FCN3: variants seen among roughly 807,000 people sequenced by gnomAD.
The protein encoded by FCN3 is ficolin 3.
Under a neutral mutation model 31.5 loss-of-function variants are expected in FCN3, and 28 were observed. That is an observed-to-expected ratio of 0.89 (90% CI 0.66 to 1.22). The LOEUF (loss-of-function observed/expected upper bound fraction) is 1.22. FCN3 is among the 50% of genes most tolerant of loss of function. The pLI is 0.00. For missense variants in FCN3, 351 were observed against 386.8 expected (o/e 0.91, Z 0.78); for synonymous variants, 124 against 147.4 (o/e 0.84, Z 1.15).
chr1:27,373,015 A>G, intron 5 of FCN3, 121 bp downstream of exon 5: 1 of 1,250,680 alleles, frequency 8.0e-7, no homozygotes, highest in Non-Finnish European at 1.1e-6. Context: ...GGCTCACTAA[A>G]CATTTGTCAG....
At chr1:27,373,546 G>A (rs761988444) in intron 3 of FCN3, 26 bp from the exon 4 acceptor site, 63 of 1,613,514 alleles carry the variant, frequency 3.9e-5, no homozygotes, top group Admixed American at 8.3e-5. Context: ...GATGAGTGTT[G>A]GCTCTGATGT....
At position 27,370,983 on chromosome 1, in the gene FCN3, G is replaced by C. The variant is rs3813800; in HGVS notation, c.394-11C>G. On this transcript the variant is annotated splice_polypyrimidine_tract_variant and intron_variant, in intron 5 of 7. Transcript: ENST00000270879. ...GCGCCTCTGAAACACCTGGGGGAGG[G>C]GGGGCACAGCAGCTATTACTCCAGG... 34,317 of 1,610,992 alleles carry C rather than the reference G, an allele frequency of 0.021. 3,102 individuals carry two copies. The highest frequency in any genetic ancestry group is 0.21 in the South Asian group (18,980 of 90,874).
At position 27,369,116 on chromosome 1, in the gene FCN3, G is replaced by A; in HGVS notation, c.*120C>T. The A allele has an allele frequency of 1.6e-6, 2 of 1,232,844 alleles. No individual in the cohort carries two copies. Among genetic ancestry groups the A allele is most frequent in the Non-Finnish European group, 2.3e-6 (2 of 882,744 alleles). The allele number at this position is 1,232,844 out of a possible 1,614,324, so 76.4% of individuals were successfully genotyped here. A position where few individuals can be genotyped will look rare whatever the true frequency, so the allele number is the denominator to read the frequency against. ...CCCAGTAACTGGAAGAGTCTTGAAA[G>A]GGCTAAAATGATTTTATTTTTAAAT... is the stretch of plus-strand genomic sequence containing the variant. On this transcript the variant is annotated 3_prime_UTR_variant, in exon 8 of 8. Coordinates refer to ENST00000270879, the MANE Select transcript of FCN3 (RefSeq NM_003665.4).
rs2016120380 is a variant in FCN3 at position 27,370,348 on chromosome 1, G to A, written c.658+248C>T. On this transcript the variant is annotated intron_variant, in intron 7 of 7. Coordinates refer to ENST00000270879, the MANE Select transcript of FCN3 (RefSeq NM_003665.4). ...ATAGAGGAGGAAACTGAGGCTCAGT[G>A]GAGGGGTAGGACTTGCCCAAGGTCA... 8.1e-6 allele frequency: 4 copies of A among 494,766 alleles called. No individual in the cohort carries two copies. The South Asian group carries it at 1.0e-4, about 13-fold the overall frequency. The allele number at this position is 494,766 out of a possible 1,614,324, so 30.6% of individuals were successfully genotyped here.
Position 27,370,872 on chromosome 1 carries a change from T to G in FCN3, c.494A>C (p.Asn165Thr). 1 of 1,614,052 alleles carries G rather than the reference T, an allele frequency of 6.2e-7. No individual in the cohort carries two copies. Among genetic ancestry groups the G allele is most frequent in the African/African-American group, 1.3e-5 (1 of 74,990 alleles). Residue 165 changes from asparagine (N) to threonine (T), a missense_variant, in exon 6 of 8, where the codon AAT (asparagine) becomes ACT (threonine). Coordinates refer to ENST00000270879, the MANE Select transcript of FCN3 (RefSeq NM_003665.4). Reference protein sequence around the residue: ...GNQESEFWLGNENLHQLTLQG... With the variant: ...GNQESEFWLGTENLHQLTLQG... ...GAGAGTAAGCTGGTGCAAATTCTCA[T>G]TTCCCAGCCAGAATTCAGACTCTTG...
chr1:27,374,184 A>C (rs2016204587), intron 2 of FCN3, 172 bp downstream of exon 2: 1 of 718,928 alleles, frequency 1.4e-6, no homozygotes, highest in Non-Finnish European at 2.3e-6. Context: ...CAGAATGGGG[A>C]TGAAACCACT....
Position 27,370,956 on chromosome 1 carries a change from T to C in FCN3, c.410A>G (p.Gln137Arg), listed in dbSNP as rs2016134391. 1 of 1,586,290 alleles carries C rather than the reference T, an allele frequency of 6.3e-7. No individual in the cohort carries two copies. Among genetic ancestry groups the C allele is most frequent in the Non-Finnish European group, 8.6e-7 (1 of 1,165,036 alleles). ...GCGGAAGAAATCCACAGAACCATCC[T>C]GGCGCCTCTGAAACACCTGGGGGAG... ...GGGWLVFQRR[Q>R]DGSVDFFRSW... The change falls in exon 6 of 8, where the codon CAG (glutamine) becomes CGG (arginine). Residue 137 changes from glutamine (Q) to arginine (R), a missense_variant. Transcript: ENST00000270879.
intron 5 of FCN3, among the ~76,000 whole-genome samples, chr1:27,372,770 C>T (rs1331515464): frequency 1.1e-5 from 1 of 88,892 alleles, no homozygotes; most frequent in Non-Finnish European, 2.7e-5. Flanking sequence ...CCCTCCCTAC[C>T]CTATTTTTTT....
In FCN3 at chr1:27,369,176, AG is replaced by A; in HGVS notation, c.*59del. The A allele has an allele frequency of 6.3e-7, 1 of 1,593,256 alleles. No homozygotes were observed. Among genetic ancestry groups the A allele is most frequent in the Non-Finnish European group, 8.6e-7 (1 of 1,163,770 alleles). On this transcript the variant is annotated 3_prime_UTR_variant, in exon 8 of 8. Transcript: ENST00000270879. ...CAAGCAGAGGTGGTTGGCAAAGGCA[AG>A]GTGGCTGACGATCCGGAAGCTGTAC...
At chr1:27,371,081 C>T (rs2016137813) in intron 5 of FCN3, 109 bp from the exon 6 acceptor site, 3 of 1,107,238 alleles carry the variant, frequency 2.7e-6, no homozygotes, top group South Asian at 1.5e-5. Context: ...TGGATTGGGG[C>T]CTGTTGATAA....
chr1:27,370,808 A>G (rs1557575550), intron 6 of FCN3, 35 bp downstream of exon 6: 1 of 1,611,508 alleles, frequency 6.2e-7, no homozygotes, highest in Non-Finnish European at 8.5e-7. Context: ...GGCAGACAGT[A>G]ACCCCCAGAC....
chr1:27,369,997 C>T (rs940475519), intron 7 of FCN3, among the ~76,000 whole-genome samples: 1 of 143,928 alleles, frequency 6.9e-6, no homozygotes, highest in Non-Finnish European at 1.5e-5. Flanking sequence ...TGCCTCCCTG[C>T]GCTCCCCCCG....
chr1:27,370,801 A>C, intron 6 of FCN3, 42 bp downstream of exon 6: 2 of 1,611,298 alleles, frequency 1.2e-6, no homozygotes, highest in Non-Finnish European at 1.7e-6. Context: ...TCAGGATGGC[A>C]GACAGTAACC....
At chr1:27,370,046 G>A (rs1487356266) in intron 7 of FCN3, among the ~76,000 whole-genome samples, 3 of 145,194 alleles carry the variant, frequency 2.1e-5, no homozygotes, top group African/African-American at 7.7e-5. Flanking sequence ...TCGCTCTGTC[G>A]CCCAGGCTAG....
At chr1:27,372,467 C>T (rs760637819) in intron 5 of FCN3, among the ~76,000 whole-genome samples, 5 of 152,248 alleles carry the variant, frequency 3.3e-5, no homozygotes, top group Admixed American at 1.3e-4. Context: ...AGGCTGATCT[C>T]GAACTCTTGA....
rs2016125914 is a variant in FCN3, at chr1:27,370,628, A to G, written c.626T>C (p.Leu209Pro). The G allele has an allele frequency of 6.2e-7, 1 of 1,614,234 alleles. No individual in the cohort carries two copies. Among genetic ancestry groups the G allele is most frequent in the Admixed American group, 1.7e-5 (1 of 60,026 alleles). ...GCCCTCTGAGAACTTGCCCAGTGCC[A>G]GCTGGTAGTGGTCTACCTCACCGAG... ...RLLGEVDHYQ[L>P]ALGKFSEGTA... is the part of the protein sequence containing the mutation. Residue 209 changes from leucine (L) to proline (P), a missense_variant, in exon 7 of 8, where the codon CTG (leucine) becomes CCG (proline). Physicochemically the swap from Leu to Pro is moderately conservative, Grantham distance 98 (BLOSUM62 -3). Coordinates refer to ENST00000270879, the MANE Select transcript of FCN3 (RefSeq NM_003665.4).
Position 27,373,233 on chromosome 1 carries a change from T to C in FCN3, c.296A>G (p.Gln99Arg). Residue 99 changes from glutamine (Q) to arginine (R), a missense_variant, in exon 5 of 8, where the codon CAG (glutamine) becomes CGG (arginine). Coordinates refer to ENST00000270879, the MANE Select transcript of FCN3 (RefSeq NM_003665.4). ...GTACCAGCCGCTCAAGGTGGCGCCC[T>C]GGCTCAACAGCTCCCGGCAGTTTCT... The part of the protein sequence containing the change: ...GPRNCRELLS[Q>R]GATLSGWYHL... The C allele has an allele frequency of 6.2e-7, 1 of 1,614,088 alleles. No individual in the cohort carries two copies. Among genetic ancestry groups the C allele is most frequent in the Non-Finnish European group, 8.5e-7 (1 of 1,179,998 alleles).
At chr1:27,374,582 C>T (rs996633467) in intron 1 of FCN3, 131 bp from the exon 2 acceptor site, 5 of 773,556 alleles carry the variant, frequency 6.5e-6, no homozygotes, top group Admixed American at 5.5e-5. Flanking sequence ...GTTTCGTGTG[C>T]TTTGCATCCA....
chr1:27,370,898 G>T lies in FCN3; in HGVS notation c.468C>A (p.Asn156Lys), dbSNP rs1231784055. ...SWSSYRAGFG[N>K]QESEFWLGNE... The stretch of plus-strand genomic sequence containing the variant: ...TTCCCAGCCAGAATTCAGACTCTTG[G>T]TTCCCAAAACCTGCTCTGTAGGAGG... The change falls in exon 6 of 8, where the codon AAC (asparagine) becomes AAA (lysine). Residue 156 changes from asparagine (N) to lysine (K), a missense_variant. Asn to Lys is a moderately conservative substitution (Grantham distance 94). Transcript: ENST00000270879. 6.2e-7 allele frequency: 1 copy of T among 1,614,000 alleles called. No individual in the cohort carries two copies. The highest frequency in any genetic ancestry group is 1.3e-5 in the African/African-American group (1 of 74,992).
Sources: allele counts gnomAD v4.1 joint callset (sites outside exome capture counted in the v4.1 genomes callset), GRCh38; gene constraint gnomAD v4.1.1; transcripts MANE v1.5; gene names NCBI Gene and HGNC (gene_info 2026-07-23, HGNC 2026-07-21).